SLC4A10: variants seen among roughly 807,000 people sequenced by gnomAD.
SLC4A10 encodes sodium-driven chloride bicarbonate exchanger.
A neutral mutation model predicts 137.7 loss-of-function variants in SLC4A10; 42 were observed. That is an observed-to-expected ratio of 0.30 (90% CI 0.24 to 0.39). The LOEUF (loss-of-function observed/expected upper bound fraction) is 0.39, where lower values mean the gene tolerates loss of function less well. Ranked by LOEUF, SLC4A10 falls within the 10% of genes least tolerant of loss-of-function variation. The pLI, the probability that SLC4A10 is intolerant of heterozygous loss-of-function variation, is 1.00. For synonymous variants in SLC4A10, 474 were observed against 464.1 expected (o/e 1.02, Z -0.27); for missense variants, 925 against 1,355.0 (o/e 0.68, Z 4.98).
At chr2:161,771,924 T>C (rs2051665559) in intron 2 of SLC4A10, among the ~76,000 whole-genome samples, 1 of 151,698 alleles carries the variant, frequency 6.6e-6, no homozygotes, top group Non-Finnish European at 1.5e-5. Context: ...AACCACTGAG[T>C]TGAGAGGTAA....
At chr2:161,773,660 T>A (rs1043952940) in intron 2 of SLC4A10, among the ~76,000 whole-genome samples, 22 of 151,892 alleles carry the variant, frequency 1.4e-4, no homozygotes, top group Admixed American at 7.9e-4. Flanking sequence ...TTTAAAAATA[T>A]CTGTAAAGTC....
At chr2:161,631,124 G>T (rs2033470725) in intron 1 of SLC4A10, among the ~76,000 whole-genome samples, 1 of 151,688 alleles carries the variant, frequency 6.6e-6, no homozygotes, top group South Asian at 2.1e-4. Context: ...ATTAGGGGTT[G>T]CCAGGACCTG....
intron 26 of SLC4A10, among the ~76,000 whole-genome samples, chr2:161,979,916 T>A (rs1467617023): frequency 6.6e-6 from 1 of 152,240 alleles, no homozygotes; most frequent in Non-Finnish European, 1.5e-5. Flanking sequence ...TATCATTCAC[T>A]TTTTGTTGTC....
At position 161,760,316 on chromosome 2, in the gene SLC4A10, T is replaced by C. The variant is rs147908635; in HGVS notation, c.49-10657T>C. Among the ~76,000 whole-genome samples, 382 of 152,186 alleles carry C rather than the reference T, an allele frequency of 2.5e-3. 3 individuals carry two copies. The highest frequency in any genetic ancestry group is 8.8e-3 in the African/African-American group (364 of 41,566). The stretch of plus-strand genomic sequence containing the variant: ...TCCTGGTTCCCTTATTCTTATATCA[T>C]CTTTCCAGTTAACTGTTTTGCCCAT... On this transcript the variant is annotated intron_variant, in intron 1 of 26. Coordinates refer to ENST00000446997, the MANE Select transcript of SLC4A10 (RefSeq NM_001178015.2).
At chr2:161,680,243 G>C (rs2040709586) in intron 1 of SLC4A10, among the ~76,000 whole-genome samples, 1 of 152,068 alleles carries the variant, frequency 6.6e-6, no homozygotes, top group Non-Finnish European at 1.5e-5. Context: ...AACTTATTAA[G>C]GGCAAGGTTG....
rs535402121 is a variant in SLC4A10 at position 161,719,651 on chromosome 2, A to T, written c.49-51322A>T. 4.3e-4 allele frequency among the ~76,000 whole-genome samples: 65 copies of T among 152,336 alleles called. 1 individual carries two copies. Among genetic ancestry groups the T allele is most frequent in the African/African-American group, 1.5e-3 (63 of 41,572 alleles). ...TTTGATTTGCATTTCTCTGATGACC[A>T]GTGATGATGAGCATTTTTTTATGTG... On this transcript the variant is annotated intron_variant, in intron 1 of 26. Transcript: ENST00000446997.
At chr2:161,892,630 A>G (rs967738618) in intron 10 of SLC4A10, among the ~76,000 whole-genome samples, 58 of 152,258 alleles carry the variant, frequency 3.8e-4, no homozygotes, top group African/African-American at 1.1e-3. Flanking sequence ...GTCTAAAAGT[A>G]AAATAGAATA....
At chr2:161,777,254 T>A (rs2052462775) in intron 2 of SLC4A10, among the ~76,000 whole-genome samples, 1 of 151,906 alleles carries the variant, frequency 6.6e-6, no homozygotes, top group African/African-American at 2.4e-5. Context: ...TTCTAGACAG[T>A]AACCTCTTAC....
At chr2:161,787,030 G>T (rs2053703009) in intron 2 of SLC4A10, among the ~76,000 whole-genome samples, 1 of 151,974 alleles carries the variant, frequency 6.6e-6, no homozygotes, top group African/African-American at 2.4e-5. Context: ...TGACATAAAA[G>T]AGTATACTTT....
At chr2:161,815,430 T>G (rs2056963386) in intron 3 of SLC4A10, among the ~76,000 whole-genome samples, 1 of 152,170 alleles carries the variant, frequency 6.6e-6, no homozygotes, top group Non-Finnish European at 1.5e-5. Context: ...CCGCCATGAT[T>G]GTAAGTTTCC....
At chr2:161,758,358 TATC>T (rs2049893238) in intron 1 of SLC4A10, among the ~76,000 whole-genome samples, 1 of 151,986 alleles carries the variant, frequency 6.6e-6, no homozygotes, top group South Asian at 2.1e-4. Flanking sequence ...TGTTTTCACT[TATC>T]ATTGAAGTTC....
At chr2:161,702,946 G>A (rs548136785) in intron 1 of SLC4A10, among the ~76,000 whole-genome samples, 4 of 151,830 alleles carry the variant, frequency 2.6e-5, no homozygotes, top group African/African-American at 9.6e-5. Flanking sequence ...TTAAACCTTT[G>A]TGTTAATGTA....
At chr2:161,832,250 A>G (rs2058480096) in intron 3 of SLC4A10, among the ~76,000 whole-genome samples, 1 of 152,150 alleles carries the variant, frequency 6.6e-6, no homozygotes, top group Non-Finnish European at 1.5e-5. Context: ...AGGTACTACT[A>G]TTCTGTGCAT....
chr2:161,730,662 A>G (rs1335452195), intron 1 of SLC4A10, among the ~76,000 whole-genome samples: 1 of 152,220 alleles, frequency 6.6e-6, no homozygotes, highest in African/African-American at 2.4e-5. Context: ...GTAGTTGGAT[A>G]TGGTAAGACA....
intron 1 of SLC4A10, among the ~76,000 whole-genome samples, chr2:161,757,931 GAATA>G (rs771612582): frequency 1.1e-4 from 17 of 152,062 alleles, no homozygotes; most frequent in Admixed American, 2.6e-4. Flanking sequence ...CTTGTGAAGA[GAATA>G]AATAATGTAG....
At position 161,798,968 on chromosome 2, in the gene SLC4A10, G is replaced by C. The variant is rs538478040; in HGVS notation, c.131-5481G>C. ...TCATTTTTAGTTCTGAGCCTGAATT[G>C]TGGAAACTGTACTAACTGCAGATAA... On this transcript the variant is annotated intron_variant, in intron 2 of 26. Coordinates refer to ENST00000446997, the MANE Select transcript of SLC4A10 (RefSeq NM_001178015.2). 2.0e-3 allele frequency among the ~76,000 whole-genome samples: 296 copies of C among 150,456 alleles called. 1 individual carries two copies. Among genetic ancestry groups the C allele is most frequent in the African/African-American group, 6.9e-3 (282 of 41,058 alleles).
At chr2:161,664,832 C>A (rs1369997243) in intron 1 of SLC4A10, among the ~76,000 whole-genome samples, 1 of 151,390 alleles carries the variant, frequency 6.6e-6, no homozygotes, top group Non-Finnish European at 1.5e-5. Flanking sequence ...ATTTCATATA[C>A]CTTATTTATA....
In SLC4A10 at chr2:161,781,860, C is replaced by T. The variant is rs532931363; in HGVS notation, c.130+10806C>T. On this transcript the variant is annotated intron_variant, in intron 2 of 26. Coordinates refer to ENST00000446997, the MANE Select transcript of SLC4A10 (RefSeq NM_001178015.2). ...CCATCGAAGCTGGTGAGGATATTCA[C>T]GACAGCTGTCTGCCAAAATTTCTAC... Among the ~76,000 whole-genome samples, 14 of 152,126 alleles carry T rather than the reference C, an allele frequency of 9.2e-5. No homozygotes were observed. In the South Asian group the frequency reaches 1.9e-3, roughly 20 times the overall value.
intron 1 of SLC4A10, among the ~76,000 whole-genome samples, chr2:161,737,809 T>C (rs2047498165): frequency 6.6e-6 from 1 of 152,148 alleles, no homozygotes; most frequent in Non-Finnish European, 1.5e-5. Context: ...TTTGCTTTGG[T>C]TCTCAGATCT....
Sources: allele counts gnomAD v4.1 joint callset (sites outside exome capture counted in the v4.1 genomes callset), GRCh38; gene constraint gnomAD v4.1.1; transcripts MANE v1.5; gene names NCBI Gene and HGNC (gene_info 2026-07-23, HGNC 2026-07-21).